AGBL4: variants seen among roughly 807,000 people sequenced by gnomAD.
The protein encoded by AGBL4 is cytosolic carboxypeptidase 6.
In AGBL4, 58 loss-of-function variants were observed where a neutral mutation model predicts 66.4. That is an observed-to-expected ratio of 0.87 (90% CI 0.71 to 1.09). The LOEUF (loss-of-function observed/expected upper bound fraction) is 1.09, where lower values mean the gene tolerates loss of function less well. Among genes scored for constraint, AGBL4 ranks in the 50% least tolerant of loss-of-function variants. The probability of loss-of-function intolerance (pLI) is 0.00; values close to 1 mark genes in which losing one functional copy is unlikely to be tolerated. For missense variants in AGBL4, 579 were observed against 631.0 expected, an observed-to-expected ratio of 0.92 and a Z score of 0.88; for synonymous variants, 234 against 222.9, an observed-to-expected ratio of 1.05 and a Z score of -0.44.
At chr1:49,193,822 C>A (rs531904143) in intron 4 of AGBL4, among the ~76,000 whole-genome samples, 4 of 152,132 alleles carry the variant, frequency 2.6e-5, no homozygotes, top group Non-Finnish European at 4.4e-5. Flanking sequence ...CGTGAGCCAC[C>A]GTGCCCAGCC....
intron 4 of AGBL4, among the ~76,000 whole-genome samples, chr1:49,188,194 C>T (rs1647049737): frequency 6.6e-6 from 1 of 152,024 alleles, no homozygotes; most frequent in Admixed American, 6.6e-5. Flanking sequence ...GGCTAATACA[C>T]CCATTTTATC....
intron 4 of AGBL4, among the ~76,000 whole-genome samples, chr1:49,081,488 A>G (rs1044554968): frequency 3.9e-5 from 6 of 152,228 alleles, no homozygotes; most frequent in Non-Finnish European, 7.3e-5. Context: ...CACATTGAAG[A>G]TGCTCAGGAA....
intron 5 of AGBL4, among the ~76,000 whole-genome samples, chr1:49,017,434 A>C (rs911471030): frequency 3.3e-5 from 5 of 152,204 alleles, no homozygotes; most frequent in African/African-American, 1.2e-4. Flanking sequence ...GGAATTACTT[A>C]ATTTCTCTTA....
At chr1:50,017,456 G>A (rs1662074776) in intron 1 of AGBL4, 1 of 152,092 alleles carries the variant, frequency 6.6e-6, no homozygotes, top group African/African-American at 2.4e-5. Flanking sequence ...GGCAGTTGAG[G>A]AGGACTCAAT....
chr1:49,136,346 G>A (rs1241189314), intron 4 of AGBL4, among the ~76,000 whole-genome samples: 1 of 152,132 alleles, frequency 6.6e-6, no homozygotes, highest in African/African-American at 2.4e-5. Context: ...CCATTTTACT[G>A]ACAAGGAATG....
chr1:48,682,637 C>T (rs151073286), intron 6 of AGBL4, among the ~76,000 whole-genome samples: 5,854 of 152,252 alleles, frequency 0.038, 377 homozygotes, highest in African/African-American at 0.13. Flanking sequence ...AAGCAATCTG[C>T]CTGTCTTGGC....
intron 4 of AGBL4, among the ~76,000 whole-genome samples, chr1:49,052,273 G>A (rs1644231671): frequency 6.6e-6 from 1 of 152,104 alleles, no homozygotes; most frequent in South Asian, 2.1e-4. Context: ...TCCTACCTAT[G>A]GTGGCTGCTG....
intron 3 of AGBL4, among the ~76,000 whole-genome samples, chr1:49,465,910 G>A (rs1646620316): frequency 6.6e-6 from 1 of 151,786 alleles, no homozygotes; most frequent in Non-Finnish European, 1.5e-5. Flanking sequence ...GCGTCTTAAG[G>A]GAGAAAGATT....
chr1:48,828,169 C>T (rs1180604315), intron 6 of AGBL4, among the ~76,000 whole-genome samples: 3 of 146,904 alleles, frequency 2.0e-5, no homozygotes, highest in Non-Finnish European at 4.5e-5. Context: ...GTACTCCAGC[C>T]TGGGCAACTC....
intron 8 of AGBL4, among the ~76,000 whole-genome samples, chr1:48,649,397 G>C (rs2148436624): frequency 6.6e-6 from 1 of 152,304 alleles, no homozygotes; most frequent in South Asian, 2.1e-4. Context: ...TGCTTTTACT[G>C]TATAAGGTAA....
intron 6 of AGBL4, among the ~76,000 whole-genome samples, chr1:48,846,399 AAG>A (rs751073656): frequency 6.6e-6 from 1 of 151,530 alleles, no homozygotes; most frequent in Non-Finnish European, 1.5e-5. Context: ...GAAAGAAAGA[AAG>A]AAAGAAAGAA....
chr1:49,091,803 G>A (rs1199802633), intron 4 of AGBL4, among the ~76,000 whole-genome samples: 4 of 152,104 alleles, frequency 2.6e-5, no homozygotes, highest in African/African-American at 7.2e-5. Context: ...TAGTAGAGTG[G>A]ATAAAGAAAA....
chr1:49,319,349 GT>G (rs1162522678), intron 3 of AGBL4, among the ~76,000 whole-genome samples: 5 of 152,140 alleles, frequency 3.3e-5, no homozygotes, highest in Admixed American at 3.3e-4. Flanking sequence ...AATAGGTATG[GT>G]TGTGAGAAAC....
At chr1:49,264,106 A>G (rs775001003) in intron 3 of AGBL4, among the ~76,000 whole-genome samples, 2 of 152,128 alleles carry the variant, frequency 1.3e-5, no homozygotes, top group Admixed American at 6.5e-5. Context: ...ACATGGTAAT[A>G]ATAATTTCAG....
intron 4 of AGBL4, among the ~76,000 whole-genome samples, chr1:49,119,297 C>T (rs1006004028): frequency 5.3e-5 from 8 of 152,044 alleles, no homozygotes; most frequent in Non-Finnish European, 8.8e-5. Context: ...GTTAGGGTGT[C>T]GATTTTAGAT....
chr1:49,638,255 T>G (rs1645715807), intron 3 of AGBL4, among the ~76,000 whole-genome samples: 2 of 152,026 alleles, frequency 1.3e-5, no homozygotes, highest in African/African-American at 2.4e-5. Context: ...TGTTTAGAAA[T>G]AAATAAACAC....
At chr1:49,756,461 C>T (rs1174696319) in intron 2 of AGBL4, among the ~76,000 whole-genome samples, 5 of 152,208 alleles carry the variant, frequency 3.3e-5, no homozygotes, top group Admixed American at 3.3e-4. Flanking sequence ...TGGTTGAAGA[C>T]AGATTCTAAG....
chr1:49,603,497 C>G (rs1645000865), intron 3 of AGBL4, among the ~76,000 whole-genome samples: 1 of 151,084 alleles, frequency 6.6e-6, no homozygotes, highest in South Asian at 2.1e-4. Flanking sequence ...TGCACTCCAG[C>G]CTGGGCGACA....
intron 2 of AGBL4, among the ~76,000 whole-genome samples, chr1:49,804,943 G>A (rs1048851955): frequency 1.3e-5 from 2 of 152,118 alleles, no homozygotes; most frequent in African/African-American, 4.8e-5. Flanking sequence ...TTGAATGGTG[G>A]CTTATCTGGG....
Sources: allele counts gnomAD v4.1 joint callset (sites outside exome capture counted in the v4.1 genomes callset), GRCh38; gene constraint gnomAD v4.1.1; transcripts MANE v1.5; gene names NCBI Gene and HGNC (gene_info 2026-07-23, HGNC 2026-07-21).